The following FCRL6 variants were observed in gnomAD, a reference collection of about 807,000 sequenced individuals.
FCRL6 encodes the protein Fc receptor-like protein 6.
Under a neutral mutation model 49.1 loss-of-function variants are expected in FCRL6, and 50 were observed. That is an observed-to-expected ratio of 1.02 (90% CI 0.81 to 1.29). The LOEUF (loss-of-function observed/expected upper bound fraction) is 1.29, where lower values mean the gene tolerates loss of function less well. Ranked by LOEUF, FCRL6 falls within the 50% of genes most tolerant of loss-of-function variation. The pLI, the probability that FCRL6 is intolerant of heterozygous loss-of-function variation, is 0.00. For missense variants in FCRL6, 571 were observed against 518.5 expected (o/e 1.10, Z -0.98); for synonymous variants, 213 against 199.6 (o/e 1.07, Z -0.57).
intron 8 of FCRL6, among the ~76,000 whole-genome samples, chr1:159,814,912 A>T (rs1461492686): frequency 6.6e-6 from 1 of 152,190 alleles, no homozygotes; most frequent in East Asian, 1.9e-4. Flanking sequence ...TTGACTTGGC[A>T]AGTCAAGTGT....
chr1:159,807,947 T>A (rs1159444860), intron 2 of FCRL6, among the ~76,000 whole-genome samples: 1 of 146,828 alleles, frequency 6.8e-6, no homozygotes, highest in Non-Finnish European at 1.5e-5. Flanking sequence ...GGGAAAGGAA[T>A]AAAGAGAAAG....
In FCRL6 at chr1:159,802,372, C is replaced by T. The variant is rs762679407; in HGVS notation, c.-53C>T. 26 of 1,608,544 alleles carry T rather than the reference C, an allele frequency of 1.6e-5. No individual in the cohort carries two copies. Among genetic ancestry groups the T allele is most frequent in the South Asian group, 5.5e-5 (5 of 90,330 alleles). ...AGGCCTGGTTGCTCTCTGCCGGCTT[C>T]GCCCTGACCTGTTTCTGACCTGTGT... On this transcript the variant is annotated 5_prime_UTR_variant, in exon 1 of 10. Transcript: ENST00000368106.
intron 5 of FCRL6, 85 bp from the exon 6 acceptor site, chr1:159,810,009 A>G: frequency 6.7e-7 from 1 of 1,497,692 alleles, no homozygotes; most frequent in Non-Finnish European, 9.0e-7. Flanking sequence ...AATATCAGTC[A>G]TTCTGCCTGT....
At chr1:159,808,596 T>A in intron 3 of FCRL6, 152 bp downstream of exon 3, 1 of 785,374 alleles carries the variant, frequency 1.3e-6, no homozygotes, top group Non-Finnish European at 2.1e-6. Context: ...CAAGATGTTG[T>A]CTCAATACCC....
chr1:159,808,874 T>G, intron 3 of FCRL6, 87 bp from the exon 4 acceptor site: 63 of 1,410,422 alleles, frequency 4.5e-5, no homozygotes, highest in Non-Finnish European at 5.7e-5. Flanking sequence ...GGCTGCAGCC[T>G]GAGATGAGTA....
chr1:159,805,609 C>T (rs1039106406), intron 1 of FCRL6, among the ~76,000 whole-genome samples: 5 of 152,172 alleles, frequency 3.3e-5, no homozygotes, highest in African/African-American at 1.2e-4. Flanking sequence ...TGTGAGTTGG[C>T]CCCTCTTCCC....
Position 159,810,103 on chromosome 1 carries a change from T to G in FCRL6, c.896T>G (p.Val299Gly). 2 of 1,612,682 alleles carry G rather than the reference T, an allele frequency of 1.2e-6. No individual in the cohort carries two copies. The highest frequency in any genetic ancestry group is 2.2e-5 in the South Asian group (2 of 90,800). The change falls in exon 6 of 10, where the codon GTC becomes GGC. Residue 299 changes from valine (V) to glycine (G), a missense_variant. By Grantham distance (109) the Val-to-Gly change is moderately radical. Coordinates refer to ENST00000368106, the MANE Select transcript of FCRL6 (RefSeq NM_001004310.3). ...PKKLSLKGSQ[V>G]LFTPASNWLV... ...TTCTCCCTGCTCCCAGGTTCTCAAG[T>G]CTTGTTCACTCCCGCCAGCAACTGG...
intron 1 of FCRL6, among the ~76,000 whole-genome samples, chr1:159,805,577 C>T (rs116776454): frequency 0.015 from 2,305 of 152,330 alleles, 38 homozygotes; most frequent in Middle Eastern, 0.027. Flanking sequence ...TCAAACCTAT[C>T]TAACCATATC....
At chr1:159,800,908 C>G (rs1662291035), upstream of FCRL6, among the ~76,000 whole-genome samples, 1 of 152,176 alleles carries the variant, frequency 6.6e-6, no homozygotes, top group African/African-American at 2.4e-5. Context: ...TGCCTGTAAT[C>G]CCAGCTACAT....
At chr1:159,806,424 A>T (rs983428002) in intron 1 of FCRL6, among the ~76,000 whole-genome samples, 172 bp from the exon 2 acceptor site, 4 of 150,914 alleles carry the variant, frequency 2.7e-5, no homozygotes, top group Admixed American at 2.6e-4. Flanking sequence ...TTGGTGGTTG[A>T]GTGGTTATGT....
chr1:159,806,693 C>A, intron 2 of FCRL6, 77 bp downstream of exon 2: 2 of 1,423,110 alleles, frequency 1.4e-6, no homozygotes, highest in Non-Finnish European at 2.0e-6. Flanking sequence ...CAGGACAGTG[C>A]CATGGGGTCC....
At chr1:159,813,870 C>A (rs1437869391) in intron 7 of FCRL6, among the ~76,000 whole-genome samples, 1 of 152,226 alleles carries the variant, frequency 6.6e-6, no homozygotes, top group African/African-American at 2.4e-5. Context: ...CTGTAACACA[C>A]ACATGCTCAT....
intron 1 of FCRL6, among the ~76,000 whole-genome samples, chr1:159,805,994 T>C (rs1313035404): frequency 3.9e-5 from 6 of 152,236 alleles, no homozygotes; most frequent in Non-Finnish European, 8.8e-5. Flanking sequence ...AAAACATTCA[T>C]GCATTTATTC....
intron 2 of FCRL6, 34 bp downstream of exon 2, chr1:159,806,650 T>G: frequency 1.2e-6 from 2 of 1,611,366 alleles, no homozygotes; most frequent in Non-Finnish European, 1.7e-6. Flanking sequence ...TAATTCAAAG[T>G]ATGTCTATGG....
intron 1 of FCRL6, among the ~76,000 whole-genome samples, chr1:159,803,866 A>G (rs1471761046): frequency 6.6e-6 from 1 of 152,158 alleles, no homozygotes; most frequent in East Asian, 1.9e-4. Context: ...CTGGGTGTGT[A>G]GCAACATTTA....
In FCRL6 at chr1:159,809,285, G is replaced by T. The variant is rs12087576; in HGVS notation, c.604+40G>T. On this transcript the variant is annotated intron_variant, in intron 4 of 9. Transcript: ENST00000368106. ...GAGTGGAGATGCCCCCAGGGCCCTG[G>T]GCGTCAGGCAGTGGGATCCCCTGGG... 4,400 of 1,525,832 alleles carry T rather than the reference G, an allele frequency of 2.9e-3. 116 individuals carry two copies. The African/African-American group carries it at 0.055, about 19-fold the overall frequency. 94.5% of individuals were successfully genotyped at this position (1,525,832 alleles called of 1,614,324 possible).
intron 6 of FCRL6, among the ~76,000 whole-genome samples, chr1:159,811,172 G>A (rs1050123263): frequency 6.6e-6 from 1 of 152,084 alleles, no homozygotes; most frequent in Non-Finnish European, 1.5e-5. Flanking sequence ...AATGAATGTT[G>A]GCTCTCAAAG....
intron 6 of FCRL6, among the ~76,000 whole-genome samples, chr1:159,810,516 C>A (rs1295250840): frequency 6.6e-6 from 1 of 151,770 alleles, no homozygotes; most frequent in East Asian, 1.9e-4. Context: ...ACAAGCCAAA[C>A]GTGAGGTATG....
intron 1 of FCRL6, among the ~76,000 whole-genome samples, chr1:159,803,252 G>A (rs1662460407): frequency 6.6e-6 from 1 of 152,196 alleles, no homozygotes; most frequent in Non-Finnish European, 1.5e-5. Flanking sequence ...GTCTCAGCCA[G>A]TGTCACCCCC....
Sources: gnomAD v4.1 joint callset for allele counts (sites outside exome capture counted in the v4.1 genomes callset) on GRCh38, gnomAD v4.1.1 for gene constraint, MANE v1.5 for transcripts, NCBI Gene and HGNC (gene_info 2026-07-23, HGNC 2026-07-21) for gene names.